Variants in SLC24A3 observed in about 807,000 individuals in gnomAD.
The protein encoded by SLC24A3 is sodium/potassium/calcium exchanger 3.
In SLC24A3, 28 loss-of-function variants were observed where a neutral mutation model predicts 75.8. That is an observed-to-expected ratio of 0.37 (90% CI 0.27 to 0.51). The LOEUF (loss-of-function observed/expected upper bound fraction) is 0.51, where lower values mean the gene tolerates loss of function less well. Among genes scored for constraint, SLC24A3 ranks in the 20% least tolerant of loss-of-function variants. The pLI is 0.94. For missense variants in SLC24A3, 663 were observed against 847.8 expected, an observed-to-expected ratio of 0.78 and a Z score of 2.71; for synonymous variants, 372 against 334.1, an observed-to-expected ratio of 1.11 and a Z score of -1.24.
At position 19,282,131 on chromosome 20, in the gene SLC24A3, T is replaced by C. The variant is rs561056830; in HGVS notation, c.271+1044T>C. Among the ~76,000 whole-genome samples, 46 of 152,260 alleles carry C rather than the reference T, an allele frequency of 3.0e-4. 1 individual carries two copies. The highest frequency in any genetic ancestry group is 1.1e-3 in the African/African-American group (46 of 41,548). On this transcript the variant is annotated intron_variant, in intron 2 of 16. Transcript: ENST00000328041. ...CATTGCAGCCCAAACAACTACAGGC[T>C]GTTGAGTACAGAAGACATGTCAGAG...
chr20:19,285,089 G>A (rs1983775626), intron 2 of SLC24A3, among the ~76,000 whole-genome samples: 1 of 152,118 alleles, frequency 6.6e-6, no homozygotes, highest in Non-Finnish European at 1.5e-5. Flanking sequence ...CAGGAGCACA[G>A]AGTGCCCAGT....
At chr20:19,690,110 A>C (rs1445131207) in intron 12 of SLC24A3, among the ~76,000 whole-genome samples, 2 of 151,858 alleles carry the variant, frequency 1.3e-5, no homozygotes, top group African/African-American at 4.8e-5. Context: ...TTGTTCCTCA[A>C]AATCATTTTT....
intron 1 of SLC24A3, among the ~76,000 whole-genome samples, chr20:19,264,988 T>G (rs1983119316): frequency 6.6e-6 from 1 of 152,192 alleles, no homozygotes; most frequent in African/African-American, 2.4e-5. Context: ...TTTCACTGTT[T>G]CCTGGGATTC....
At chr20:19,555,312 T>C (rs960817226) in intron 3 of SLC24A3, among the ~76,000 whole-genome samples, 1 of 152,182 alleles carries the variant, frequency 6.6e-6, no homozygotes, top group Non-Finnish European at 1.5e-5. Flanking sequence ...AAGCAGATTA[T>C]GTCAGAGGCC....
Position 19,717,548 on chromosome 20 carries a change from G to A in SLC24A3, c.1740G>A (p.Gly580=). 1 of 1,614,152 alleles carries A rather than the reference G, an allele frequency of 6.2e-7. No homozygotes were observed. Among genetic ancestry groups the A allele is most frequent in the Non-Finnish European group, 8.5e-7 (1 of 1,180,000 alleles). The change falls in exon 16 of 17, where the codon GGG becomes GGA. Residue 580 remains glycine (G), a synonymous_variant. Coordinates refer to ENST00000328041, the MANE Select transcript of SLC24A3 (RefSeq NM_020689.4). ...TACAGATCCGGCTGAATAGCAGGGG[G>A]CTGATCTACTCCGTAGGCTTGCTCC... ...YGSYIRLNSR[G]LIYSVGLLLA...
chr20:19,374,263 G>A (rs1006499555), intron 2 of SLC24A3, among the ~76,000 whole-genome samples: 4 of 152,128 alleles, frequency 2.6e-5, no homozygotes, highest in African/African-American at 4.8e-5. Context: ...AGGGTGGGCC[G>A]TCACTCCTCC....
intron 2 of SLC24A3, among the ~76,000 whole-genome samples, chr20:19,438,477 G>A (rs187818044): frequency 1.3e-5 from 2 of 152,244 alleles, no homozygotes; most frequent in African/African-American, 4.8e-5. Context: ...GGTAGGTAGT[G>A]TGGACAGCAA....
intron 6 of SLC24A3, among the ~76,000 whole-genome samples, chr20:19,595,853 G>A (rs1271740455): frequency 3.3e-5 from 5 of 152,194 alleles, no homozygotes; most frequent in Non-Finnish European, 7.3e-5. Context: ...GATCGGGGAA[G>A]TGTCTCAAAG....
chr20:19,351,269 C>T (rs1172293154), intron 2 of SLC24A3, among the ~76,000 whole-genome samples: 1 of 152,198 alleles, frequency 6.6e-6, no homozygotes, highest in African/African-American at 2.4e-5. Flanking sequence ...ACGTGGGGAT[C>T]ATCTCCCACT....
chr20:19,540,240 G>A (rs1014547622), intron 3 of SLC24A3, among the ~76,000 whole-genome samples: 4 of 152,236 alleles, frequency 2.6e-5, no homozygotes, highest in East Asian at 3.9e-4. Flanking sequence ...AGTAAAACAC[G>A]TTCAGTGCAG....
intron 2 of SLC24A3, among the ~76,000 whole-genome samples, chr20:19,423,355 C>G (rs570453532): frequency 1.3e-5 from 2 of 152,268 alleles, no homozygotes; most frequent in African/African-American, 4.8e-5. Flanking sequence ...AGGGTGAGTG[C>G]AAAGTGATAA....
intron 2 of SLC24A3, among the ~76,000 whole-genome samples, chr20:19,346,360 ATATATATG>A (rs1568595958): frequency 3.2e-4 from 42 of 130,426 alleles, no homozygotes; most frequent in African/African-American, 1.1e-3. Flanking sequence ...TATATGGTGT[ATATATATG>A]TGGTGTATAT....
intron 2 of SLC24A3, among the ~76,000 whole-genome samples, chr20:19,361,752 T>C (rs1202415218): frequency 6.6e-6 from 1 of 152,234 alleles, no homozygotes; most frequent in Non-Finnish European, 1.5e-5. Flanking sequence ...TTTTAAAAGA[T>C]TGATGGGTGG....
chr20:19,467,297 G>A (rs532826051), intron 2 of SLC24A3, among the ~76,000 whole-genome samples: 7 of 152,282 alleles, frequency 4.6e-5, no homozygotes, highest in African/African-American at 1.7e-4. Flanking sequence ...GGACAGAATC[G>A]CAGAAAGAAA....
intron 6 of SLC24A3, among the ~76,000 whole-genome samples, chr20:19,646,013 C>T (rs1393652843): frequency 1.3e-5 from 2 of 152,124 alleles, no homozygotes; most frequent in Non-Finnish European, 2.9e-5. Flanking sequence ...CAAGATTGCA[C>T]CACTGCACTC....
intron 2 of SLC24A3, among the ~76,000 whole-genome samples, chr20:19,456,461 C>G (rs537195268): frequency 4.3e-4 from 65 of 152,318 alleles, no homozygotes; most frequent in African/African-American, 1.4e-3. Flanking sequence ...CTGCTGCCAT[C>G]CATGTAAGAC....
chr20:19,282,717 T>C (rs545016003), intron 2 of SLC24A3, among the ~76,000 whole-genome samples: 1 of 152,330 alleles, frequency 6.6e-6, no homozygotes, highest in Non-Finnish European at 1.5e-5. Flanking sequence ...AGACAGGACA[T>C]GGTGACCAGC....
intron 6 of SLC24A3, among the ~76,000 whole-genome samples, chr20:19,635,502 T>G (rs1393799673): frequency 6.6e-6 from 1 of 152,202 alleles, no homozygotes. Context: ...AACCCCAAAC[T>G]TAGTTATGTA....
chr20:19,676,125 T>C (rs2032520436), intron 9 of SLC24A3, among the ~76,000 whole-genome samples: 1 of 152,190 alleles, frequency 6.6e-6, no homozygotes, highest in African/African-American at 2.4e-5. Flanking sequence ...AGTTAAGTAT[T>C]CTTCAAAAAC....
Sources: gnomAD v4.1 joint callset for allele counts (sites outside exome capture counted in the v4.1 genomes callset) on GRCh38, gnomAD v4.1.1 for gene constraint, MANE v1.5 for transcripts, NCBI Gene and HGNC (gene_info 2026-07-23, HGNC 2026-07-21) for gene names.